Variants in ATXN1 observed in about 807,000 individuals in gnomAD.
ATXN1 encodes the protein ataxin-1.
In ATXN1, 8 loss-of-function variants were observed where a neutral mutation model predicts 56.4. That is an observed-to-expected ratio of 0.14 (90% CI 0.08 to 0.26). The LOEUF is 0.26. ATXN1 is among the 10% of genes least tolerant of loss of function. The pLI, the probability that ATXN1 is intolerant of heterozygous loss-of-function variation, is 1.00. For missense variants in ATXN1, 987 were observed against 1,106.5 expected, an observed-to-expected ratio of 0.89 and a Z score of 1.53; for synonymous variants, 514 against 494.6, an observed-to-expected ratio of 1.04 and a Z score of -0.52.
intron 6 of ATXN1, among the ~76,000 whole-genome samples, chr6:16,478,160 G>A (rs968201876): frequency 6.6e-6 from 1 of 152,162 alleles, no homozygotes; most frequent in Non-Finnish European, 1.5e-5. Flanking sequence ...GTCCCCTATA[G>A]CAAGTGACCG....
intron 6 of ATXN1, among the ~76,000 whole-genome samples, chr6:16,412,284 G>T (rs780321147): frequency 2.6e-5 from 4 of 152,102 alleles, no homozygotes; most frequent in Non-Finnish European, 5.9e-5. Flanking sequence ...AATAAATCAG[G>T]TCTTAACAAG....
chr6:16,566,665 A>G (rs1009173843), intron 4 of ATXN1, among the ~76,000 whole-genome samples: 1 of 152,046 alleles, frequency 6.6e-6, no homozygotes, highest in African/African-American at 2.4e-5. Flanking sequence ...CATCCTGGCG[A>G]ACACTGTGAA....
At chr6:16,509,119 G>A (rs1407003419) in intron 5 of ATXN1, among the ~76,000 whole-genome samples, 1 of 151,774 alleles carries the variant, frequency 6.6e-6, no homozygotes, top group Admixed American at 6.6e-5. Context: ...GGGGAAGGGG[G>A]AATTTATTGT....
rs139758640 is a variant in ATXN1, at chr6:16,548,977, G to A, written c.-360-26289C>T. ...AAATAAAATACTAAGAAACAAACAC[G>A]CATTAGTCTAGGCCTATACAGGGTC... is the stretch of plus-strand genomic sequence containing the variant. On this transcript the variant is annotated intron_variant, in intron 4 of 7. Transcript: ENST00000436367. Among the ~76,000 whole-genome samples, 343 of 152,022 alleles carry A rather than the reference G, an allele frequency of 2.3e-3. 2 individuals are homozygous for A. The highest frequency in any genetic ancestry group is 3.4e-3 in the Middle Eastern group (1 of 294).
rs192934277 is a variant in ATXN1 at position 16,668,406 on chromosome 6, A to C, written c.-614-10505T>G. ...TCCCCTTCCTGTGTCCATGGAACAC[A>C]GGCATGTTTTTAACGTTGATTTTAT... is the stretch of plus-strand genomic sequence containing the variant. On this transcript the variant is annotated intron_variant, in intron 2 of 7. Transcript: ENST00000436367. Among the ~76,000 whole-genome samples, 301 of 142,222 alleles carry C rather than the reference A, an allele frequency of 2.1e-3. 2 individuals are homozygous for C. The highest frequency in any genetic ancestry group is 7.3e-3 in the African/African-American group (280 of 38,126). The allele number at this position is 142,222 out of a possible 152,430, so 93.3% of individuals were successfully genotyped here.
chr6:16,704,411 C>G (rs948194345), intron 2 of ATXN1, among the ~76,000 whole-genome samples: 2 of 152,196 alleles, frequency 1.3e-5, no homozygotes, highest in African/African-American at 2.4e-5. Context: ...GAGGCGCTCC[C>G]TCTAAGAATC....
intron 3 of ATXN1, among the ~76,000 whole-genome samples, chr6:16,638,165 C>T (rs982064268): frequency 6.6e-6 from 1 of 151,964 alleles, no homozygotes; most frequent in African/African-American, 2.4e-5. Context: ...ATCTCAAAGG[C>T]CAGCCATGGT....
At chr6:16,335,227 T>C (rs1483404043) in intron 6 of ATXN1, among the ~76,000 whole-genome samples, 1 of 152,260 alleles carries the variant, frequency 6.6e-6, no homozygotes, top group Non-Finnish European at 1.5e-5. Context: ...TTCTCTTCCA[T>C]GTCTATCTAA....
intron 4 of ATXN1, among the ~76,000 whole-genome samples, chr6:16,538,261 T>G (rs1219366666): frequency 6.6e-6 from 1 of 152,202 alleles, no homozygotes; most frequent in Non-Finnish European, 1.5e-5. Context: ...TTAACCTCAC[T>G]GTTTTCAGAT....
chr6:16,714,437 T>C (rs1213414491), intron 2 of ATXN1, among the ~76,000 whole-genome samples: 3 of 152,212 alleles, frequency 2.0e-5, no homozygotes, highest in African/African-American at 7.2e-5. Context: ...TTCCAATCTA[T>C]TCCTTTTTGT....
chr6:16,339,593 C>T (rs755178823), intron 6 of ATXN1, among the ~76,000 whole-genome samples: 7 of 152,136 alleles, frequency 4.6e-5, no homozygotes, highest in Non-Finnish European at 8.8e-5. Flanking sequence ...TACAGCAATG[C>T]TTTACATATA....
At chr6:16,575,660 T>TA (rs781050705) in intron 4 of ATXN1, among the ~76,000 whole-genome samples, 2 of 152,186 alleles carry the variant, frequency 1.3e-5, no homozygotes, top group African/African-American at 4.8e-5. Flanking sequence ...TGTTAGGTGT[T>TA]AGAGTTACAA....
intron 2 of ATXN1, among the ~76,000 whole-genome samples, chr6:16,696,720 G>A (rs920705870): frequency 6.6e-6 from 1 of 152,044 alleles, no homozygotes; most frequent in Non-Finnish European, 1.5e-5. Flanking sequence ...ACCTATGATG[G>A]GAAAAAATAA....
intron 2 of ATXN1, among the ~76,000 whole-genome samples, chr6:16,715,489 A>G (rs1393240054): frequency 2.0e-5 from 3 of 152,224 alleles, no homozygotes; most frequent in African/African-American, 7.2e-5. Flanking sequence ...TGCAGACTTC[A>G]GGCACTAGAT....
At chr6:16,401,126 A>C in intron 6 of ATXN1, among the ~76,000 whole-genome samples, 1 of 152,206 alleles carries the variant, frequency 6.6e-6, no homozygotes, top group East Asian at 1.9e-4. Context: ...AATTTTCTAA[A>C]ACTCATCCTT....
At chr6:16,625,158 T>G (rs1393384397) in intron 3 of ATXN1, among the ~76,000 whole-genome samples, 1 of 152,206 alleles carries the variant, frequency 6.6e-6, no homozygotes, top group East Asian at 1.9e-4. Context: ...TCTTCCTTCT[T>G]TCAAAGTTCA....
intron 2 of ATXN1, chr6:16,739,777 G>A: frequency 2.2e-6 from 1 of 455,476 alleles, no homozygotes; most frequent in Non-Finnish European, 4.4e-6. Context: ...CCTTTAGGGT[G>A]GCCCAGAATA....
At chr6:16,555,303 T>C (rs560847295) in intron 4 of ATXN1, among the ~76,000 whole-genome samples, 2 of 152,342 alleles carry the variant, frequency 1.3e-5, no homozygotes, top group African/African-American at 4.8e-5. Flanking sequence ...AGGTGCTAGA[T>C]GTACAACATC....
At chr6:16,456,376 G>A (rs951471459) in intron 6 of ATXN1, among the ~76,000 whole-genome samples, 6 of 152,150 alleles carry the variant, frequency 3.9e-5, no homozygotes, top group African/African-American at 1.4e-4. Flanking sequence ...CCAGTTAAAA[G>A]CAACTAGCAT....
Sources: allele counts gnomAD v4.1 joint callset (sites outside exome capture counted in the v4.1 genomes callset), GRCh38; gene constraint gnomAD v4.1.1; transcripts MANE v1.5; gene names NCBI Gene and HGNC (gene_info 2026-07-23, HGNC 2026-07-21).